The following FAP variants were observed in gnomAD, a reference collection of about 807,000 sequenced individuals.
FAP encodes the protein fibroblast activation protein alpha.
FAP carries 110 observed loss-of-function variants against 126.5 expected under a neutral mutation model. The ratio of observed to expected loss-of-function variants is 0.87; its 90% CI spans 0.74 to 1.02. The LOEUF (loss-of-function observed/expected upper bound fraction) is 1.02, where lower values mean the gene tolerates loss of function less well. Among genes scored for constraint, FAP ranks in the 50% least tolerant of loss-of-function variants. FAP has a pLI of 0.00. For synonymous variants in FAP, 334 were observed against 297.3 expected (o/e 1.12, Z -1.27); for missense variants, 919 against 909.2 (o/e 1.01, Z -0.14).
At position 162,203,028 on chromosome 2, in the gene FAP, G is replaced by A. The variant is rs751460172; in HGVS notation, c.1152+13C>T. Reference sequence around the variant, plus strand: ...AATGATCTTTGAGGAGATAAATCTTGGAAGGAACGTACCACAGTGTCTTTG... The same window carrying A: ...AATGATCTTTGAGGAGATAAATCTTAGAAGGAACGTACCACAGTGTCTTTG... On this transcript the variant is annotated intron_variant, in intron 13 of 25. Transcript: ENST00000188790. 1 of 1,603,024 alleles carries A rather than the reference G, an allele frequency of 6.2e-7. No homozygotes were observed. The highest frequency in any genetic ancestry group is 8.5e-7 in the Non-Finnish European group (1 of 1,170,060).
intron 2 of FAP, among the ~76,000 whole-genome samples, chr2:162,240,050 G>A (rs550378106): frequency 6.6e-6 from 1 of 152,246 alleles, no homozygotes; most frequent in African/African-American, 2.4e-5. Context: ...CAGCCTTGTT[G>A]CATATTCACA....
At chr2:162,238,823 C>T (rs373046295) in intron 2 of FAP, among the ~76,000 whole-genome samples, 1 of 152,130 alleles carries the variant, frequency 6.6e-6, no homozygotes, top group Non-Finnish European at 1.5e-5. Flanking sequence ...TAATAGAATA[C>T]TAATTAGTAA....
intron 9 of FAP, 83 bp downstream of exon 9, chr2:162,217,903 T>C (rs1184067448): frequency 3.6e-6 from 4 of 1,096,030 alleles, no homozygotes; most frequent in Non-Finnish European, 5.2e-6. Flanking sequence ...TCCAAACTTG[T>C]TGATCCCACC....
chr2:162,218,023 T>G lies in FAP; in HGVS notation c.725A>C (p.Glu242Ala), dbSNP rs796735142. ...AATATTTATTGTTCTAGGATATTGTTCATCGCCATAATAGGAATAGGCAAT... is the reference window on the plus strand; with the variant it reads ...AATATTTATTGTTCTAGGATATTGTGCATCGCCATAATAGGAATAGGCAAT... ...PVIAYSYYGD[E>A]QYPRTINIPY... is the part of the protein sequence containing the mutation. The change falls in exon 9 of 26, where the codon GAA becomes GCA. Residue 242 changes from glutamate (E) to alanine (A), a missense_variant. Glu to Ala is a moderately radical substitution (Grantham distance 107). Coordinates refer to ENST00000188790, the MANE Select transcript of FAP (RefSeq NM_004460.5). The G allele has an allele frequency of 1.2e-6, 2 of 1,603,064 alleles. No homozygotes were observed. The highest frequency in any genetic ancestry group is 1.7e-6 in the Non-Finnish European group (2 of 1,175,012).
chr2:162,203,703 G>C (rs1688587577), intron 12 of FAP, among the ~76,000 whole-genome samples: 2 of 152,136 alleles, frequency 1.3e-5, no homozygotes, highest in African/African-American at 4.8e-5. Flanking sequence ...TTTACTCCTT[G>C]AGCACAGGAA....
chr2:162,237,003 T>C (rs148800257), intron 2 of FAP, among the ~76,000 whole-genome samples: 1 of 152,324 alleles, frequency 6.6e-6, no homozygotes, highest in Non-Finnish European at 1.5e-5. Context: ...AAATTTTAAT[T>C]TTGATACTAA....
chr2:162,186,380 A>G (rs1430350920), intron 20 of FAP, among the ~76,000 whole-genome samples: 1 of 152,128 alleles, frequency 6.6e-6, no homozygotes, highest in African/African-American at 2.4e-5. Flanking sequence ...AATTGGTATT[A>G]CTGCGAAAAT....
intron 10 of FAP, among the ~76,000 whole-genome samples, chr2:162,214,926 G>A (rs1305512337): frequency 6.6e-6 from 1 of 152,022 alleles, no homozygotes; most frequent in Non-Finnish European, 1.5e-5. Context: ...TTCAGAATAC[G>A]TTTGCTACTA....
At chr2:162,210,875 T>C (rs868652440) in intron 11 of FAP, among the ~76,000 whole-genome samples, 10 of 152,150 alleles carry the variant, frequency 6.6e-5, no homozygotes, top group Non-Finnish European at 8.8e-5. Context: ...AAGCCACACA[T>C]ATTGAAAAGT....
chr2:162,195,860 C>A (rs560904336), intron 16 of FAP, among the ~76,000 whole-genome samples: 11 of 152,040 alleles, frequency 7.2e-5, no homozygotes, highest in Non-Finnish European at 1.5e-4. Flanking sequence ...TTTGCCACCC[C>A]ACCCCCCCCA....
intron 2 of FAP, among the ~76,000 whole-genome samples, chr2:162,235,581 C>T (rs562623613): frequency 9.9e-5 from 15 of 152,156 alleles, no homozygotes; most frequent in Non-Finnish European, 1.3e-4. Flanking sequence ...GGATTGTAAA[C>T]GCACCAATCA....
intron 20 of FAP, among the ~76,000 whole-genome samples, chr2:162,184,027 A>G (rs1010013670): frequency 1.3e-5 from 2 of 152,160 alleles, no homozygotes; most frequent in African/African-American, 4.8e-5. Context: ...CCATCACAGA[A>G]GAGCATCCAT....
chr2:162,181,348 G>A (rs1321450341), intron 21 of FAP, among the ~76,000 whole-genome samples: 1 of 152,064 alleles, frequency 6.6e-6, no homozygotes, highest in Non-Finnish European at 1.5e-5. Flanking sequence ...GGTGTCACAG[G>A]CATGCACAAA....
At chr2:162,220,038 T>C in intron 6 of FAP, 113 bp from the exon 7 acceptor site, 1 of 721,580 alleles carries the variant, frequency 1.4e-6, no homozygotes, top group Non-Finnish European at 2.4e-6. Flanking sequence ...GATCATTCCC[T>C]CTGCACCCAC....
At chr2:162,213,333 G>T (rs1221473501) in intron 11 of FAP, among the ~76,000 whole-genome samples, 2 of 148,496 alleles carry the variant, frequency 1.3e-5, no homozygotes, top group Non-Finnish European at 3.0e-5. Flanking sequence ...TCCAGATTGC[G>T]CCACTGCACT....
chr2:162,213,507 A>G (rs971124394), intron 11 of FAP, among the ~76,000 whole-genome samples: 3 of 151,270 alleles, frequency 2.0e-5, no homozygotes, highest in Non-Finnish European at 2.9e-5. Context: ...TTAACATTGA[A>G]TAGAACATGC....
intron 12 of FAP, among the ~76,000 whole-genome samples, chr2:162,205,449 T>C (rs891993259): frequency 1.3e-5 from 2 of 152,162 alleles, no homozygotes; most frequent in Admixed American, 6.5e-5. Flanking sequence ...AGAATGAAGT[T>C]TCACCCTCTT....
chr2:162,213,858 A>G, intron 11 of FAP, 80 bp downstream of exon 11: 2 of 1,411,412 alleles, frequency 1.4e-6, no homozygotes. Context: ...TTTACAACAT[A>G]AAATGTTAGC....
At position 162,226,602 on chromosome 2, in the gene FAP, A is replaced by T. The variant is rs1464555974; in HGVS notation, c.111T>A (p.Asn37Lys). ...RPSRVHNSEENTMRALTLKDI... is the reference protein window; with the variant it reads ...RPSRVHNSEEKTMRALTLKDI... The stretch of plus-strand genomic sequence containing the variant: ...CCTTCAGTGTGAGTGCTCTCATTGT[A>T]TTTTCTTCAGAGTTATGAACTTTGG... Residue 37 changes from asparagine to lysine, a missense_variant, in exon 3 of 26, where the codon AAT becomes AAA. Transcript: ENST00000188790. 6.3e-7 allele frequency: 1 copy of T among 1,587,742 alleles called. No individual in the cohort carries two copies. The highest frequency in any genetic ancestry group is 1.7e-5 in the Admixed American group (1 of 57,268).
Sources: gnomAD v4.1 joint callset for allele counts (sites outside exome capture counted in the v4.1 genomes callset) on GRCh38, gnomAD v4.1.1 for gene constraint, MANE v1.5 for transcripts, NCBI Gene and HGNC (gene_info 2026-07-23, HGNC 2026-07-21) for gene names.